Variants in INSR observed in about 807,000 individuals in gnomAD.
INSR encodes the protein IR.
In INSR, 67 loss-of-function variants were observed where a neutral mutation model predicts 142.6. The observed-to-expected ratio is 0.47, with a 90% CI of 0.39 to 0.58. INSR has a LOEUF of 0.58. Among genes scored for constraint, INSR ranks in the 20% least tolerant of loss-of-function variants. The pLI is 0.00. For synonymous variants in INSR, 756 were observed against 743.1 expected, an observed-to-expected ratio of 1.02 and a Z score of -0.28; for missense variants, 1,248 against 1,833.2, an observed-to-expected ratio of 0.68 and a Z score of 5.83.
chr19:7,149,494 A>C (rs1287329310), intron 11 of INSR, among the ~76,000 whole-genome samples: 1 of 152,068 alleles, frequency 6.6e-6, no homozygotes, highest in African/African-American at 2.4e-5. Context: ...TCCCAGGACC[A>C]TACTGCTTCA....
chr19:7,137,892 G>A (rs1437061070), intron 13 of INSR, among the ~76,000 whole-genome samples: 1 of 150,810 alleles, frequency 6.6e-6, no homozygotes, highest in African/African-American at 2.4e-5. Flanking sequence ...TCAACTCTGG[G>A]AGCTAAGAAG....
At chr19:7,153,399 C>T (rs1354911165) in intron 9 of INSR, among the ~76,000 whole-genome samples, 3 of 85,850 alleles carry the variant, frequency 3.5e-5, no homozygotes, top group Non-Finnish European at 7.0e-5. Context: ...ACACACACAC[C>T]ACATACACAC....
At chr19:7,253,752 A>G (rs1976805039) in intron 2 of INSR, among the ~76,000 whole-genome samples, 1 of 151,874 alleles carries the variant, frequency 6.6e-6, no homozygotes, top group Non-Finnish European at 1.5e-5. Context: ...AAACGGGCCG[A>G]GTGTGGTGGC....
At chr19:7,234,269 C>T (rs928055735) in intron 2 of INSR, among the ~76,000 whole-genome samples, 2 of 151,786 alleles carry the variant, frequency 1.3e-5, no homozygotes, top group East Asian at 1.9e-4. Context: ...TGTAGTGGTG[C>T]GATCATAACT....
intron 14 of INSR, among the ~76,000 whole-genome samples, chr19:7,131,793 G>A (rs1418029983): frequency 6.8e-6 from 1 of 147,854 alleles, no homozygotes; most frequent in Non-Finnish European, 1.5e-5. Flanking sequence ...GAGGTCAGGA[G>A]TTTGAGACCA....
rs1204906864 is a variant in INSR, at chr19:7,184,769, A to G, written c.653-132T>C. On this transcript the variant is annotated intron_variant, in intron 2 of 21. Coordinates refer to ENST00000302850, the MANE Select transcript of INSR (RefSeq NM_000208.4). ...CTGGATCAGACAGTGAAAGCCAACC[A>G]AACACTAACAGTAAAAGCGGCACGT... The G allele has an allele frequency of 1.7e-5, 10 of 600,306 alleles. No individual in the cohort carries two copies. The South Asian group carries it at 2.2e-4, about 13-fold the overall frequency. The allele number at this position is 600,306 out of a possible 1,614,324, so 37.2% of individuals were successfully genotyped here. A position where few individuals can be genotyped will look rare whatever the true frequency, so the allele number is the denominator to read the frequency against.
At chr19:7,126,484 C>T in intron 16 of INSR, 100 bp downstream of exon 16, 5 of 1,097,028 alleles carry the variant, frequency 4.6e-6, no homozygotes, top group Non-Finnish European at 6.8e-6. Context: ...CTTTTCTTGG[C>T]CTCCCTGGGG....
rs1976419221 is a variant in INSR at position 7,243,235 on chromosome 19, T to TG, written c.652+24109_652+24110insC. Among the ~76,000 whole-genome samples the TG allele has an allele frequency of 4.0e-4, 5 of 12,520 alleles. 1 individual carries two copies. The highest frequency in any genetic ancestry group is 2.1e-3 in the Admixed American group (2 of 974). 8.2% of individuals were successfully genotyped at this position (12,520 alleles called of 152,430 possible). ...CACAGCCAGTCACACACTGTTTTGG[T>TG]TTTTTTTTTTTTTTTTTTTTTTTTT... On this transcript the variant is annotated intron_variant, in intron 2 of 21. Coordinates refer to ENST00000302850, the MANE Select transcript of INSR (RefSeq NM_000208.4).
chr19:7,199,560 CTTT>C (rs3084138), intron 2 of INSR, among the ~76,000 whole-genome samples: 13 of 78,690 alleles, frequency 1.7e-4, no homozygotes, highest in Non-Finnish European at 2.7e-4. Flanking sequence ...ACTGCGACAG[CTTT>C]TTTTTTTTTT....
chr19:7,165,346 A>G (rs1973866023), intron 8 of INSR, among the ~76,000 whole-genome samples: 2 of 152,064 alleles, frequency 1.3e-5, no homozygotes, highest in African/African-American at 4.8e-5. Flanking sequence ...AACAAACAAC[A>G]AAACAAAAAG....
At chr19:7,221,835 C>T (rs1038107056) in intron 2 of INSR, among the ~76,000 whole-genome samples, 1 of 152,096 alleles carries the variant, frequency 6.6e-6, no homozygotes, top group Non-Finnish European at 1.5e-5. Context: ...CTCCAGGCCC[C>T]CCGTCCACTT....
At chr19:7,253,401 C>G (rs966953728) in intron 2 of INSR, among the ~76,000 whole-genome samples, 1 of 151,712 alleles carries the variant, frequency 6.6e-6, no homozygotes, top group Non-Finnish European at 1.5e-5. Context: ...ACCAGCCCGG[C>G]TTATTTTTGT....
rs563078581 is a variant in INSR at position 7,114,701 on chromosome 19, C to A, written c.*2355G>T. On this transcript the variant is annotated 3_prime_UTR_variant, in exon 22 of 22. Coordinates refer to ENST00000302850, the MANE Select transcript of INSR (RefSeq NM_000208.4). ...AAAGAAAATCACTATCCCCCATTCA[C>A]CTGTTTATTTTTCTTTGATAAAAAT... 2 of 152,542 alleles carry A rather than the reference C, an allele frequency of 1.3e-5. No homozygotes were observed. Among genetic ancestry groups the A allele is most frequent in the Non-Finnish European group, 1.5e-5 (1 of 68,024 alleles). The allele number at this position is 152,542 out of a possible 1,614,324, so 9.4% of individuals were successfully genotyped here.
intron 2 of INSR, among the ~76,000 whole-genome samples, chr19:7,201,508 C>A (rs1209731951): frequency 1.3e-5 from 2 of 151,284 alleles, no homozygotes; most frequent in Non-Finnish European, 2.9e-5. Context: ...GCCTGTAATC[C>A]CAGCTACTCG....
chr19:7,196,674 T>C (rs1295906801), intron 2 of INSR, among the ~76,000 whole-genome samples: 1 of 152,032 alleles, frequency 6.6e-6, no homozygotes, highest in Admixed American at 6.6e-5. Flanking sequence ...AATGATTCGA[T>C]AGCTCCACAT....
chr19:7,160,501 G>A (rs972945075), intron 9 of INSR, among the ~76,000 whole-genome samples: 3 of 151,902 alleles, frequency 2.0e-5, no homozygotes, highest in African/African-American at 7.3e-5. Context: ...CTGTAGTCCT[G>A]TGTAGTCCAG....
rs367636390 is a variant in INSR, at chr19:7,267,938, C to G, written c.101-42G>C. On this transcript the variant is annotated intron_variant, in intron 1 of 21. Transcript: ENST00000302850. The surrounding 1 kb of genome is among the most constrained non-coding windows in gnomAD (Gnocchi z 6.3). Reference sequence around the variant, plus strand: ...ACAGAAAGCAAGACAGGTGAGCAGACGCACGGTGGATGCATCAGAAGGATC... The same window carrying G: ...ACAGAAAGCAAGACAGGTGAGCAGAGGCACGGTGGATGCATCAGAAGGATC... 2.0e-6 allele frequency: 3 copies of G among 1,534,876 alleles called. No individual in the cohort carries two copies. Among genetic ancestry groups the G allele is most frequent in the Admixed American group, 3.5e-5 (2 of 56,358 alleles).
intron 3 of INSR, among the ~76,000 whole-genome samples, chr19:7,183,847 T>C (rs1332595666): frequency 6.6e-6 from 1 of 151,780 alleles, no homozygotes; most frequent in African/African-American, 2.4e-5. Context: ...CCACCTGAGG[T>C]TGGGAGTTCG....
At chr19:7,240,356 G>A (rs1976301661) in intron 2 of INSR, among the ~76,000 whole-genome samples, 2 of 151,854 alleles carry the variant, frequency 1.3e-5, no homozygotes, top group Admixed American at 6.6e-5. Context: ...GCTGAGGCAG[G>A]TGGATTACCT....
Sources: gnomAD v4.1 joint callset for allele counts (sites outside exome capture counted in the v4.1 genomes callset) on GRCh38, gnomAD v4.1.1 for gene constraint, Gnocchi (gnomAD v3.1) non-coding constraint, MANE v1.5 for transcripts, NCBI Gene and HGNC (gene_info 2026-07-23, HGNC 2026-07-21) for gene names.